The following GPATCH8 variants were observed in gnomAD, a reference collection of about 807,000 sequenced individuals.
GPATCH8 encodes the protein G patch domain-containing protein 8.
Under a neutral mutation model 118.3 loss-of-function variants are expected in GPATCH8, and 18 were observed. The ratio of observed to expected loss-of-function variants is 0.15; its 90% confidence interval spans 0.11 to 0.23. The LOEUF is 0.23. Ranked by LOEUF, GPATCH8 falls within the 10% of genes least tolerant of loss-of-function variation. The pLI is 1.00. For missense variants in GPATCH8, 1,631 were observed against 1,873.8 expected (o/e 0.87, Z 2.39); for synonymous variants, 659 against 684.7 (o/e 0.96, Z 0.59).
chr17:44,496,103 G>A (rs535819092), intron 1 of GPATCH8, among the ~76,000 whole-genome samples: 2 of 152,178 alleles, frequency 1.3e-5, no homozygotes, highest in African/African-American at 4.8e-5. Flanking sequence ...TCCTGACCCC[G>A]TGTGATCCAC....
intron 6 of GPATCH8, among the ~76,000 whole-genome samples, chr17:44,418,166 GAAGA>G (rs2049757426): frequency 6.6e-6 from 1 of 151,876 alleles, no homozygotes; most frequent in African/African-American, 2.4e-5. Flanking sequence ...AGAAAAAGAG[GAAGA>G]AAGGAAGGGA....
At chr17:44,402,023 AT>A (rs60233318) in intron 7 of GPATCH8, among the ~76,000 whole-genome samples, 66,061 of 144,758 alleles carry the variant, frequency 0.46, 15,851 homozygotes, top group Non-Finnish European at 0.55. Flanking sequence ...AAAAAAAAAA[AT>A]AAAAAATAAA....
intron 3 of GPATCH8, among the ~76,000 whole-genome samples, chr17:44,443,416 T>C (rs909832422): frequency 6.6e-6 from 1 of 152,196 alleles, no homozygotes; most frequent in African/African-American, 2.4e-5. Context: ...ATAGAAACAA[T>C]TATTACTTTC....
At chr17:44,473,810 A>T (rs1967502896) in intron 2 of GPATCH8, 1 of 152,260 alleles carries the variant, frequency 6.6e-6, no homozygotes, top group South Asian at 2.1e-4. Flanking sequence ...TTCTGTAAAC[A>T]TCTAAACACA....
At chr17:44,495,717 T>C (rs1223676241) in intron 1 of GPATCH8, among the ~76,000 whole-genome samples, 1 of 152,208 alleles carries the variant, frequency 6.6e-6, no homozygotes, top group African/African-American at 2.4e-5. Flanking sequence ...GATGATACCC[T>C]AGTACAATAT....
chr17:44,488,182 C>T (rs1298831415), intron 1 of GPATCH8, among the ~76,000 whole-genome samples: 1 of 148,310 alleles, frequency 6.7e-6, no homozygotes, highest in Non-Finnish European at 1.5e-5. Context: ...CTCGGCCTCC[C>T]AGAGTGCTGG....
intron 1 of GPATCH8, among the ~76,000 whole-genome samples, chr17:44,491,186 C>G (rs1183488928): frequency 6.6e-6 from 1 of 152,160 alleles, no homozygotes; most frequent in Non-Finnish European, 1.5e-5. Context: ...CTTCCTATAA[C>G]TATTAAAATT....
intron 1 of GPATCH8, among the ~76,000 whole-genome samples, chr17:44,496,100 C>T (rs1598645311): frequency 6.6e-6 from 1 of 152,130 alleles, no homozygotes; most frequent in Admixed American, 6.5e-5. Flanking sequence ...AACTCCTGAC[C>T]CCGTGTGATC....
intron 5 of GPATCH8, among the ~76,000 whole-genome samples, chr17:44,424,811 G>T (rs928846381): frequency 1.3e-5 from 2 of 152,196 alleles, no homozygotes; most frequent in Non-Finnish European, 2.9e-5. Context: ...TTGGATAAGG[G>T]ATATACAACC....
chr17:44,499,401 CG>C (rs1568080335), intron 1 of GPATCH8, among the ~76,000 whole-genome samples: 1 of 152,096 alleles, frequency 6.6e-6, no homozygotes, highest in Non-Finnish European at 1.5e-5. Flanking sequence ...ACCCGGGAGG[CG>C]GAGGTTGAGG....
chr17:44,454,589 T>G (rs1205458252), intron 3 of GPATCH8, among the ~76,000 whole-genome samples: 1 of 152,170 alleles, frequency 6.6e-6, no homozygotes, highest in Non-Finnish European at 1.5e-5. Flanking sequence ...CCCTTTCATC[T>G]TTATATTTAT....
chr17:44,484,204 G>A (rs934310367), intron 1 of GPATCH8, among the ~76,000 whole-genome samples: 3 of 151,536 alleles, frequency 2.0e-5, no homozygotes, highest in Admixed American at 6.6e-5. Context: ...GGCTAGTCTC[G>A]AACTCCTGGC....
intron 6 of GPATCH8, chr17:44,407,118 GA>G (rs1323736993): frequency 6.6e-6 from 1 of 152,018 alleles, no homozygotes; most frequent in Non-Finnish European, 1.5e-5. Context: ...TAATATTTAT[GA>G]AATGTGTTTT....
intron 2 of GPATCH8, among the ~76,000 whole-genome samples, chr17:44,469,399 T>C (rs1218165486): frequency 3.3e-5 from 5 of 152,160 alleles, no homozygotes; most frequent in Non-Finnish European, 7.4e-5. Flanking sequence ...CCAATACACA[T>C]GTATGACGGG....
At chr17:44,445,118 G>A (rs919575986) in intron 3 of GPATCH8, among the ~76,000 whole-genome samples, 3 of 152,130 alleles carry the variant, frequency 2.0e-5, no homozygotes, top group African/African-American at 7.2e-5. Context: ...CTGGTCATTA[G>A]AGCCTTAAGG....
chr17:44,406,261 A>G (rs1409401672), intron 6 of GPATCH8, among the ~76,000 whole-genome samples: 1 of 152,216 alleles, frequency 6.6e-6, no homozygotes, highest in Admixed American at 6.5e-5. Flanking sequence ...TTAGGACAGC[A>G]TATCATTTGC....
intron 7 of GPATCH8, among the ~76,000 whole-genome samples, chr17:44,404,827 A>G (rs2049158410): frequency 1.3e-5 from 2 of 152,088 alleles, no homozygotes; most frequent in South Asian, 4.1e-4. Context: ...AAAATCAAAC[A>G]CTGCAGGTTG....
rs1438103360 is a variant in GPATCH8, at chr17:44,483,216, T to TATATATAC, written c.46-8314_46-8313insGTATATAT. Among the ~76,000 whole-genome samples, 6 of 87,608 alleles carry TATATATAC rather than the reference T, an allele frequency of 6.8e-5. 1 individual carries two copies. In the East Asian group the frequency reaches 2.3e-3, roughly 33 times the overall value. 57.5% of individuals were successfully genotyped at this position (87,608 alleles called of 152,430 possible). On this transcript the variant is annotated intron_variant, in intron 1 of 7. Transcript: ENST00000591680. ...ATATATATATATATATATATATATATACAGCCTACCTCTCATATCTCTTAG... is the reference window on the plus strand; with the variant it reads ...ATATATATATATATATATATATATATATATATACACAGCCTACCTCTCATATCTCTTAG...
chr17:44,464,006 T>C (rs2051663322), intron 3 of GPATCH8, among the ~76,000 whole-genome samples: 1 of 152,158 alleles, frequency 6.6e-6, no homozygotes, highest in Admixed American at 6.6e-5. Flanking sequence ...ACTACATAAA[T>C]TTCTTATTGC....
Sources: gnomAD v4.1 joint callset for allele counts (sites outside exome capture counted in the v4.1 genomes callset) on GRCh38, gnomAD v4.1.1 for gene constraint, MANE v1.5 for transcripts, NCBI Gene and HGNC (gene_info 2026-07-23, HGNC 2026-07-21) for gene names.